Variants in NOL4L observed in about 807,000 individuals in gnomAD.
NOL4L encodes nucleolar protein 4-like.
Under a neutral mutation model 64.5 loss-of-function variants are expected in NOL4L, and 7 were observed. The observed-to-expected ratio is 0.11, with a 90% CI of 0.06 to 0.20. NOL4L has a LOEUF of 0.20. Ranked by LOEUF, NOL4L falls within the 10% of genes least tolerant of loss-of-function variation. NOL4L has a pLI of 1.00. For missense variants in NOL4L, 680 were observed against 967.1 expected, an observed-to-expected ratio of 0.70 and a Z score of 3.94; for synonymous variants, 413 against 401.0, an observed-to-expected ratio of 1.03 and a Z score of -0.36.
intron 4 of NOL4L, among the ~76,000 whole-genome samples, chr20:32,477,610 G>A (rs1431883598): frequency 6.6e-6 from 1 of 152,226 alleles, no homozygotes; most frequent in African/African-American, 2.4e-5. Context: ...TGTTTAATGA[G>A]GACGCTCCAT....
chr20:32,581,737 C>T (rs1488288841), intron 1 of NOL4L, among the ~76,000 whole-genome samples: 1 of 152,182 alleles, frequency 6.6e-6, no homozygotes, highest in African/African-American at 2.4e-5. Flanking sequence ...GCACACAGCC[C>T]CACCCACCCG....
At chr20:32,584,133 GCACACACACACACACA>G (rs745461984) in intron 1 of NOL4L, among the ~76,000 whole-genome samples, 1 of 88,800 alleles carries the variant, frequency 1.1e-5, no homozygotes, top group Non-Finnish European at 2.1e-5. Flanking sequence ...CTCCGCGCGC[GCACACACACACACACA>G]CACACACACA....
chr20:32,466,539 TTGGGCCCCAGCTCTCTGCTCC>T (rs2014572941), intron 5 of NOL4L, among the ~76,000 whole-genome samples: 1 of 152,048 alleles, frequency 6.6e-6, no homozygotes, highest in African/African-American at 2.4e-5. Flanking sequence ...CCTGGAAGGC[TTGGGCCCCAGCTCTCTGCTCC>T]TGGGGGAGGG....
At chr20:32,501,052 C>T (rs979273926) in intron 4 of NOL4L, among the ~76,000 whole-genome samples, 5 of 152,174 alleles carry the variant, frequency 3.3e-5, no homozygotes, top group African/African-American at 9.7e-5. Flanking sequence ...GGGCTGCACA[C>T]GGTGCCTTCC....
At chr20:32,582,782 G>T (rs1303783192) in intron 1 of NOL4L, among the ~76,000 whole-genome samples, 7 of 152,294 alleles carry the variant, frequency 4.6e-5, no homozygotes, top group Non-Finnish European at 7.4e-5. Flanking sequence ...CCATCTCGTG[G>T]GTCACTGACC....
intron 1 of NOL4L, among the ~76,000 whole-genome samples, chr20:32,583,529 G>A (rs1204369559): frequency 6.7e-6 from 1 of 148,886 alleles, no homozygotes; most frequent in African/African-American, 2.5e-5. Context: ...CGGCCGGGGA[G>A]GGAGCAAGGA....
chr20:32,520,733 G>C, intron 3 of NOL4L, 78 bp downstream of exon 3: 2 of 870,110 alleles, frequency 2.3e-6, no homozygotes, highest in Non-Finnish European at 3.6e-6. Context: ...TTCTGTGCCA[G>C]CAAAAGCTGG....
intron 4 of NOL4L, among the ~76,000 whole-genome samples, chr20:32,476,500 G>A (rs1600709307): frequency 6.6e-6 from 1 of 152,362 alleles, no homozygotes; most frequent in South Asian, 2.1e-4. Context: ...CATGCTCTGG[G>A]TTTGACCTGA....
intron 1 of NOL4L, among the ~76,000 whole-genome samples, chr20:32,533,136 CA>C (rs1290745220): frequency 1.3e-5 from 2 of 151,870 alleles, no homozygotes; most frequent in African/African-American, 4.8e-5. Flanking sequence ...AAAACAAAAA[CA>C]AAAAAAACCT....
chr20:32,525,687 C>A (rs1476405432), intron 2 of NOL4L, among the ~76,000 whole-genome samples: 1 of 152,150 alleles, frequency 6.6e-6, no homozygotes, highest in Non-Finnish European at 1.5e-5. Context: ...CTCAAGCAAT[C>A]CTCCTGCCTC....
intron 4 of NOL4L, among the ~76,000 whole-genome samples, chr20:32,506,197 G>A (rs1479331176): frequency 2.0e-5 from 3 of 152,086 alleles, no homozygotes; most frequent in African/African-American, 7.2e-5. Context: ...CTGAGGAAGC[G>A]CTCTCTCCTG....
At chr20:32,573,240 C>G (rs1979877900) in intron 1 of NOL4L, among the ~76,000 whole-genome samples, 1 of 152,108 alleles carries the variant, frequency 6.6e-6, no homozygotes, top group African/African-American at 2.4e-5. Context: ...TGGTCTCAAA[C>G]TCCTGGGCTC....
intron 4 of NOL4L, among the ~76,000 whole-genome samples, chr20:32,476,974 G>A (rs2015434826): frequency 6.6e-6 from 1 of 152,236 alleles, no homozygotes; most frequent in South Asian, 2.1e-4. Context: ...TGGGTTTGAG[G>A]AGAGGCAAGG....
intron 4 of NOL4L, chr20:32,511,113 G>T: frequency 2.6e-6 from 1 of 382,164 alleles, no homozygotes; most frequent in Non-Finnish European, 4.7e-6. Context: ...GCCCACCCAA[G>T]GGGAAAGTTT....
chr20:32,514,761 G>A (rs2017575441), intron 3 of NOL4L, among the ~76,000 whole-genome samples: 1 of 152,124 alleles, frequency 6.6e-6, no homozygotes, highest in Non-Finnish European at 1.5e-5. Context: ...ATGACACTGA[G>A]ATGGTATCGC....
At chr20:32,501,135 C>A (rs920189584) in intron 4 of NOL4L, among the ~76,000 whole-genome samples, 4 of 152,186 alleles carry the variant, frequency 2.6e-5, no homozygotes, top group Admixed American at 2.6e-4. Context: ...AATATCTCAA[C>A]CAGGTGTGAT....
chr20:32,566,034 G>C (rs1600881298), intron 1 of NOL4L, among the ~76,000 whole-genome samples: 1 of 152,196 alleles, frequency 6.6e-6, no homozygotes, highest in East Asian at 1.9e-4. Flanking sequence ...AACAGAGCAA[G>C]GCCCTGTCTT....
intron 1 of NOL4L, among the ~76,000 whole-genome samples, chr20:32,554,320 CA>C (rs58257913): frequency 0.22 from 13,901 of 64,040 alleles, 550 homozygotes; most frequent in Middle Eastern, 0.29. Flanking sequence ...GACTCTGCCT[CA>C]AAAAAAAAAA....
chr20:32,492,134 A>G (rs2016492296), intron 4 of NOL4L, among the ~76,000 whole-genome samples: 2 of 152,170 alleles, frequency 1.3e-5, no homozygotes, highest in South Asian at 2.1e-4. Flanking sequence ...AAGAAAGAAC[A>G]CATAGCAGAC....
Sources: gnomAD v4.1 joint callset for allele counts (sites outside exome capture counted in the v4.1 genomes callset) on GRCh38, gnomAD v4.1.1 for gene constraint, MANE v1.5 for transcripts, NCBI Gene and HGNC (gene_info 2026-07-23, HGNC 2026-07-21) for gene names.